TNK1: variants seen among roughly 807,000 people sequenced by gnomAD.
The protein encoded by TNK1 is tyrosine kinase non receptor 1.
A neutral mutation model predicts 65.2 loss-of-function variants in TNK1; 53 were observed. That is an observed-to-expected ratio of 0.81 (90% CI 0.65 to 1.02). TNK1 has a LOEUF of 1.02. Ranked by LOEUF, TNK1 falls within the 50% of genes least tolerant of loss-of-function variation. TNK1 has a pLI of 0.00. For missense variants in TNK1, 837 were observed against 878.4 expected (o/e 0.95, Z 0.60); for synonymous variants, 353 against 364.6 (o/e 0.97, Z 0.36).
At chr17:7,386,134 T>G (rs562733697) in intron 7 of TNK1, among the ~76,000 whole-genome samples, 184 of 152,194 alleles carry the variant, frequency 1.2e-3, no homozygotes, top group African/African-American at 4.1e-3. Context: ...AAGAATGGAT[T>G]AGAGGGATGA....
Position 7,388,654 on chromosome 17 carries a change from C to T in TNK1, c.1726C>T (p.Leu576Phe), listed in dbSNP as rs1905359647. 6.2e-7 allele frequency: 1 copy of T among 1,613,858 alleles called. No homozygotes were observed. Among genetic ancestry groups the T allele is most frequent in the South Asian group, 1.1e-5 (1 of 91,086 alleles). The change falls in exon 11 of 13, where the codon CTC becomes TTC. Residue 576 changes from leucine to phenylalanine, a missense_variant. Transcript: ENST00000688331. The surrounding 1 kb of genome is among the most constrained non-coding windows in gnomAD (Gnocchi z 4.5). ...GMPGARKAAA[L>F]SGGLLSDPEL... is the part of the protein sequence containing the mutation. ...GCCTGGAGCCCGTAAAGCCGCTGCC[C>T]TCTCTGGAGGCCTCTTGTCCGATCC...
intron 6 of TNK1, 90 bp downstream of exon 6, chr17:7,384,343 A>T: frequency 7.0e-7 from 1 of 1,432,624 alleles, no homozygotes; most frequent in Non-Finnish European, 9.1e-7. Context: ...CGGGCTTCTG[A>T]GGGAGGCTTG....
upstream of TNK1, among the ~76,000 whole-genome samples, chr17:7,380,235 T>G (rs1355422391): frequency 4.6e-5 from 7 of 152,152 alleles, no homozygotes; most frequent in Admixed American, 1.3e-4. Flanking sequence ...CAAGGGACCC[T>G]TGGGACAGCA....
chr17:7,387,494 A>C, intron 10 of TNK1, 37 bp downstream of exon 10: 7 of 1,541,512 alleles, frequency 4.5e-6, no homozygotes, highest in Non-Finnish European at 6.2e-6. Flanking sequence ...TGAGGAGATC[A>C]AGACCAGTCC....
rs1597675889 is a variant in TNK1, at chr17:7,382,661, T to C, written c.-91-175T>C. 6.6e-6 allele frequency among the ~76,000 whole-genome samples: 1 copy of C among 152,120 alleles called. No individual in the cohort carries two copies. Among genetic ancestry groups the C allele is most frequent in the African/African-American group, 2.4e-5 (1 of 41,418 alleles). Reference sequence around the variant, plus strand: ...GAGTCTGTAGTAGGAGCAGGCAGTATGCTAAAATTGCAGGTGTGAGCAGGG... The same window carrying C: ...GAGTCTGTAGTAGGAGCAGGCAGTACGCTAAAATTGCAGGTGTGAGCAGGG... On this transcript the variant is annotated intron_variant, in intron 1 of 12. Transcript: ENST00000688331. This position sits in a 1 kb window ranked among gnomAD's most constrained non-coding sequence, Gnocchi z 4.1.
rs191861153 is a variant in TNK1, at chr17:7,387,414, A to G, written c.1434A>G (p.Pro478=). The G allele has an allele frequency of 5.8e-4, 937 of 1,605,936 alleles. 10 individuals carry two copies. The East Asian group carries it at 0.019, about 32-fold the overall frequency. Residue 478 remains proline, a synonymous_variant, in exon 10 of 13, where the codon CCA becomes CCG. Transcript: ENST00000688331. ...AGGCAAATCTTTGGGATGCGCCCCC[A>G]GCACGGGGCCAGAGGAGGAACATGC... ...RKKANLWDAP[P]ARGQRRNMPL...
chr17:7,388,347 C>T lies in TNK1; in HGVS notation c.1478-59C>T, dbSNP rs940478932. The T allele has an allele frequency of 2.2e-5, 34 of 1,520,664 alleles. No homozygotes were observed. The highest frequency in any genetic ancestry group is 2.9e-5 in the Non-Finnish European group (33 of 1,128,254). The allele number at this position is 1,520,664 out of a possible 1,614,324, so 94.2% of individuals were successfully genotyped here. A position where few individuals can be genotyped will look rare whatever the true frequency, so the allele number is the denominator to read the frequency against. On this transcript the variant is annotated intron_variant, in intron 10 of 12. Transcript: ENST00000688331. This position sits in a 1 kb window ranked among gnomAD's most constrained non-coding sequence, Gnocchi z 4.5. Reference sequence around the variant, plus strand: ...GGCTGAGGTGGGAGGATCGCTTGAGCCCGGGAGGCGGAGGCTGCAGCCAGC... The same window carrying T: ...GGCTGAGGTGGGAGGATCGCTTGAGTCCGGGAGGCGGAGGCTGCAGCCAGC...
Position 7,386,970 on chromosome 17 carries a change from A to G in TNK1, c.1233-20A>G. On this transcript the variant is annotated intron_variant, in intron 8 of 12. Transcript: ENST00000688331. ...TCTTGCCCTTATTCCCATCCTATTT[A>G]CCAGCTCCTCTTTCCACAGCCCCGA... 1 of 1,531,728 alleles carries G rather than the reference A, an allele frequency of 6.5e-7. No homozygotes were observed. Among genetic ancestry groups the G allele is most frequent in the Non-Finnish European group, 8.8e-7 (1 of 1,134,732 alleles). 94.9% of individuals were successfully genotyped at this position (1,531,728 alleles called of 1,614,324 possible). A position where few individuals can be genotyped will look rare whatever the true frequency, so the allele number is the denominator to read the frequency against.
In TNK1 at chr17:7,388,281, C is replaced by G; in HGVS notation, c.1478-125C>G. 1 of 978,514 alleles carries G rather than the reference C, an allele frequency of 1.0e-6. No individual in the cohort carries two copies. Among genetic ancestry groups the G allele is most frequent in the East Asian group, 2.6e-5 (1 of 38,546 alleles). The allele number at this position is 978,514 out of a possible 1,614,324, so 60.6% of individuals were successfully genotyped here. A position where few individuals can be genotyped will look rare whatever the true frequency, so the allele number is the denominator to read the frequency against. On this transcript the variant is annotated intron_variant, in intron 10 of 12. Coordinates refer to ENST00000688331, the MANE Select transcript of TNK1 (RefSeq NM_003985.6). The surrounding 1 kb of genome is among the most constrained non-coding windows in gnomAD (Gnocchi z 4.5). Reference sequence around the variant, plus strand: ...TCTCTACAAAAATACAAAAATTAGCCAGTCGTAATGGCAGGCACCTATAGT... The same window carrying G: ...TCTCTACAAAAATACAAAAATTAGCGAGTCGTAATGGCAGGCACCTATAGT...
chr17:7,384,618 A>C lies in TNK1; in HGVS notation c.1001A>C (p.Gln334Pro), dbSNP rs767190353. The C allele has an allele frequency of 1.1e-5, 17 of 1,612,204 alleles. No individual in the cohort carries two copies. The highest frequency in any genetic ancestry group is 1.4e-5 in the Non-Finnish European group (16 of 1,179,378). Residue 334 changes from glutamine to proline, a missense_variant, in exon 7 of 13, where the codon CAG becomes CCG. Transcript: ENST00000688331. Reference sequence around the variant, plus strand: ...GGGGTCCCACCGTACCTCATCCTGCAGCGGCTGGAGGACAGAGCCCGGCTG... The same window carrying C: ...GGGGTCCCACCGTACCTCATCCTGCCGCGGCTGGAGGACAGAGCCCGGCTG... ...WAGVPPYLIL[Q>P]RLEDRARLPR...
upstream of TNK1, chr17:7,380,990 C>T (rs1904773393): frequency 6.6e-6 from 1 of 152,296 alleles, no homozygotes; most frequent in African/African-American, 2.4e-5. Flanking sequence ...CGGGGTGCGG[C>T]CCTCGCCGGC....
In TNK1 at chr17:7,383,599, C is replaced by A; in HGVS notation, c.409C>A (p.Leu137Met). 6.2e-7 allele frequency: 1 copy of A among 1,603,410 alleles called. No homozygotes were observed. Among genetic ancestry groups the A allele is most frequent in the South Asian group, 1.1e-5 (1 of 89,658 alleles). The change falls in exon 4 of 13, where the codon CTG becomes ATG. Residue 137 changes from leucine to methionine, a missense_variant. By Grantham distance (15) the Leu-to-Met change is conservative. Transcript: ENST00000688331. ...FGVVHRGLWTLPSGKSVPVAV... is the reference protein window; with the variant it reads ...FGVVHRGLWTMPSGKSVPVAV... The stretch of plus-strand genomic sequence containing the variant: ...TGTGGTGCACCGAGGGCTGTGGACG[C>A]TGCCCAGTGGCAAGAGTGTGAGTGT...
At chr17:7,383,155 C>A in intron 2 of TNK1, 66 bp downstream of exon 2, 1 of 1,611,548 alleles carries the variant, frequency 6.2e-7, no homozygotes, top group Non-Finnish European at 8.5e-7. Context: ...CTTCCCCCAC[C>A]ACAACCCTCT....
chr17:7,383,854 C>T lies in TNK1; in HGVS notation c.572C>T (p.Pro191Leu). 6.2e-7 allele frequency: 1 copy of T among 1,610,044 alleles called. No homozygotes were observed. Among genetic ancestry groups the T allele is most frequent in the Non-Finnish European group, 8.5e-7 (1 of 1,178,306 alleles). Residue 191 changes from proline to leucine, a missense_variant, in exon 5 of 13, where the codon CCT (proline) becomes CTT (leucine). Pro to Leu is a moderately conservative substitution (Grantham distance 98). Transcript: ENST00000688331. Reference protein sequence around the residue: ...LRLHGLVLGQPLQMVMELAPL... With the variant: ...LRLHGLVLGQLLQMVMELAPL... The stretch of plus-strand genomic sequence containing the variant: ...CTGCACGGCCTTGTACTGGGCCAGC[C>T]TCTGCAGATGGTGAGCAGATCCAGC...
chr17:7,382,792 C>T lies in TNK1; in HGVS notation c.-91-44C>T. The T allele has an allele frequency of 1.1e-6, 1 of 925,878 alleles. No individual in the cohort carries two copies. The highest frequency in any genetic ancestry group is 2.8e-5 in the Admixed American group (1 of 35,978). 57.4% of individuals were successfully genotyped at this position (925,878 alleles called of 1,614,324 possible). A position where few individuals can be genotyped will look rare whatever the true frequency, so the allele number is the denominator to read the frequency against. On this transcript the variant is annotated intron_variant, in intron 1 of 12. Coordinates refer to ENST00000688331, the MANE Select transcript of TNK1 (RefSeq NM_003985.6). The surrounding 1 kb of genome is among the most constrained non-coding windows in gnomAD (Gnocchi z 4.1). ...GTGGCAGGGATCCTGGCTGTCTCTG[C>T]TGTGTCCCTGCCTCTGTACCTGAGT...
chr17:7,384,813 G>C, intron 7 of TNK1, 59 bp downstream of exon 7: 2 of 1,522,778 alleles, frequency 1.3e-6, no homozygotes, highest in East Asian at 2.4e-5. Context: ...CGCTCTCCCA[G>C]GGTTCCATGC....
chr17:7,385,208 A>G (rs1905112222), intron 7 of TNK1, among the ~76,000 whole-genome samples: 1 of 152,078 alleles, frequency 6.6e-6, no homozygotes, highest in Non-Finnish European at 1.5e-5. Context: ...CTACTAAAAA[A>G]TACAAAATTA....
In TNK1 at chr17:7,383,411, C is replaced by T; in HGVS notation, c.235-14C>T. On this transcript the variant is annotated splice_polypyrimidine_tract_variant and intron_variant, in intron 3 of 12. Transcript: ENST00000688331. Reference sequence around the variant, plus strand: ...GCAGGGCTCTGCATACCGGATTTCCCATCCCTGTTTCAGATCCTTGGAGGT... The same window carrying T: ...GCAGGGCTCTGCATACCGGATTTCCTATCCCTGTTTCAGATCCTTGGAGGT... 5.0e-6 allele frequency: 8 copies of T among 1,613,994 alleles called. No individual in the cohort carries two copies. Among genetic ancestry groups the T allele is most frequent in the Non-Finnish European group, 6.8e-6 (8 of 1,179,882 alleles).
chr17:7,387,214 CTT>C (rs1905230112), intron 9 of TNK1, 60 bp downstream of exon 9: 1 of 1,522,224 alleles, frequency 6.6e-7, no homozygotes, highest in Non-Finnish European at 8.8e-7. Flanking sequence ...GGTCCAGGAG[CTT>C]CTCTGGAAGA....
Sources: allele counts gnomAD v4.1 joint callset (sites outside exome capture counted in the v4.1 genomes callset), GRCh38; gene constraint gnomAD v4.1.1; non-coding constraint Gnocchi (gnomAD v3.1); transcripts MANE v1.5; gene names NCBI Gene and HGNC (gene_info 2026-07-23, HGNC 2026-07-21).